JAK2: variants seen among roughly 807,000 people sequenced by gnomAD.
The protein encoded by JAK2 is tyrosine-protein kinase JAK2.
Under a neutral mutation model 139.3 loss-of-function variants are expected in JAK2, and 86 were observed. That is an observed-to-expected ratio of 0.62 (90% confidence interval 0.52 to 0.74). JAK2 has a LOEUF of 0.74. JAK2 is among the 30% of genes least tolerant of loss of function. The pLI is 0.00. For synonymous variants in JAK2, 490 were observed against 437.7 expected, an observed-to-expected ratio of 1.12 and a Z score of -1.49; for missense variants, 1,421 against 1,360.3, an observed-to-expected ratio of 1.04 and a Z score of -0.70.
chr9:5,051,817 A>C (rs1447513869), intron 6 of JAK2, among the ~76,000 whole-genome samples: 1 of 152,116 alleles, frequency 6.6e-6, no homozygotes, highest in African/African-American at 2.4e-5. Context: ...TACATACCCA[A>C]TTTGCAGAGT....
At chr9:5,026,869 A>G (rs1032572053) in intron 3 of JAK2, among the ~76,000 whole-genome samples, 2 of 152,226 alleles carry the variant, frequency 1.3e-5, no homozygotes, top group Non-Finnish European at 2.9e-5. Context: ...AAGAAATTAC[A>G]TATGCACTCA....
chr9:4,997,491 C>A (rs1016068658), intron 2 of JAK2, among the ~76,000 whole-genome samples: 4 of 152,126 alleles, frequency 2.6e-5, no homozygotes, highest in Admixed American at 2.6e-4. Context: ...CTTGCAAGAA[C>A]TCAGTATCTT....
chr9:4,999,694 C>G, intron 2 of JAK2, among the ~76,000 whole-genome samples: 1 of 152,190 alleles, frequency 6.6e-6, no homozygotes, highest in Admixed American at 6.5e-5. Context: ...GCTAATCCAC[C>G]CATCTTGGCC....
intron 8 of JAK2, among the ~76,000 whole-genome samples, chr9:5,064,129 C>A (rs1474852633): frequency 6.6e-6 from 1 of 152,122 alleles, no homozygotes; most frequent in East Asian, 1.9e-4. Context: ...GCACTCCAGC[C>A]TGGGCGACAG....
chr9:5,059,886 A>T (rs1818033611), intron 8 of JAK2, among the ~76,000 whole-genome samples: 1 of 152,084 alleles, frequency 6.6e-6, no homozygotes, highest in Non-Finnish European at 1.5e-5. Flanking sequence ...CACATTTTTC[A>T]TTGACTTGTC....
chr9:5,085,918 C>A (rs1481875198), intron 19 of JAK2: 1 of 1,044,254 alleles, frequency 9.6e-7, no homozygotes, highest in Non-Finnish European at 1.5e-6. Flanking sequence ...TCATACAGAC[C>A]TTTCAAGTCT....
intron 5 of JAK2, among the ~76,000 whole-genome samples, chr9:5,050,316 G>T (rs1381984080): frequency 6.6e-6 from 1 of 152,144 alleles, no homozygotes; most frequent in Non-Finnish European, 1.5e-5. Flanking sequence ...TCATTTTAGA[G>T]ACTGGGTCTT....
In JAK2 at chr9:5,045,728, T is replaced by A. The variant is rs562081777; in HGVS notation, c.468+1208T>A. 1.2e-4 allele frequency among the ~76,000 whole-genome samples: 18 copies of A among 152,340 alleles called. No individual in the cohort carries two copies. The South Asian group carries it at 3.7e-3, about 32-fold the overall frequency. On this transcript the variant is annotated intron_variant, in intron 5 of 24. Coordinates refer to ENST00000381652, the MANE Select transcript of JAK2 (RefSeq NM_004972.4). ...ATAATGTCTGTCAGGTTCATCCATG[T>A]TGTAGCATGTGCCAGAATTTCTTTC...
At chr9:5,124,897 T>A (rs1448379417) in intron 23 of JAK2, among the ~76,000 whole-genome samples, 2 of 151,500 alleles carry the variant, frequency 1.3e-5, no homozygotes, top group African/African-American at 4.8e-5. Flanking sequence ...TAAGGCAATA[T>A]CAAACAAAAT....
At position 5,127,523 on chromosome 9, in the gene JAK2, T is replaced by C. The variant is rs1199547325; in HGVS notation, c.*732T>C. The C allele has an allele frequency of 4.3e-6, 1 of 231,156 alleles. No individual in the cohort carries two copies. 14.3% of individuals were successfully genotyped at this position (231,156 alleles called of 1,614,324 possible). On this transcript the variant is annotated 3_prime_UTR_variant, in exon 25 of 25. Transcript: ENST00000381652. ...GCTTACAAAGATATAATCTATTTTA[T>C]TATGGTTTCCCTTGTATCTATTTGT...
chr9:5,117,967 T>C (rs1564022894), intron 22 of JAK2, among the ~76,000 whole-genome samples: 1 of 152,248 alleles, frequency 6.6e-6, no homozygotes, highest in Non-Finnish European at 1.5e-5. Flanking sequence ...CTCTTACACA[T>C]TTTTAAATTG....
intron 4 of JAK2, chr9:5,041,841 G>T (rs1268263863): frequency 2.7e-5 from 13 of 475,396 alleles, no homozygotes; most frequent in Non-Finnish European, 4.6e-5. Context: ...CACCAATGGG[G>T]AGCTGAACGC....
intron 22 of JAK2, chr9:5,101,156 G>A (rs1442357539): frequency 1.3e-5 from 2 of 152,280 alleles, no homozygotes; most frequent in Non-Finnish European, 2.9e-5. Flanking sequence ...ACTGTACCTG[G>A]AAAATCAGGA....
rs1563993598 is a variant in JAK2, at chr9:5,089,799, T to C, written c.2697T>C (p.Ile899=). The change falls in exon 20 of 25, where the codon ATT becomes ATC. Residue 899 remains isoleucine (I), a synonymous_variant. Coordinates refer to ENST00000381652, the MANE Select transcript of JAK2 (RefSeq NM_004972.4). ...ACCTAAGAGACTTTGAAAGGGAAAT[T>C]GAAATCCTGAAATCCCTACAGCATG... ...EEHLRDFERE[I]EILKSLQHDN... is the part of the protein sequence containing the mutation. 1.3e-6 allele frequency: 2 copies of C among 1,597,220 alleles called. No homozygotes were observed. The highest frequency in any genetic ancestry group is 3.5e-5 in the Admixed American group (2 of 57,772).
rs1034122193 is a variant in JAK2 at position 5,127,906 on chromosome 9, G to C, written c.*1115G>C. ...ATGAGGTAAATAAGTAAAAAAGTAT[G>C]CTTGTTAATTTTATTCAAGAATGCC... On this transcript the variant is annotated 3_prime_UTR_variant, in exon 25 of 25. Coordinates refer to ENST00000381652, the MANE Select transcript of JAK2 (RefSeq NM_004972.4). 4.7e-5 allele frequency: 11 copies of C among 232,206 alleles called. No homozygotes were observed. The highest frequency in any genetic ancestry group is 2.4e-4 in the African/African-American group (11 of 45,238). The allele number at this position is 232,206 out of a possible 1,614,324, so 14.4% of individuals were successfully genotyped here.
rs1054046322 is a variant in JAK2 at position 5,106,391 on chromosome 9, G to T, written c.3059+15480G>T. 7.2e-5 allele frequency among the ~76,000 whole-genome samples: 11 copies of T among 152,186 alleles called. 1 individual carries two copies. Among genetic ancestry groups the T allele is most frequent in the Non-Finnish European group, 1.0e-4 (7 of 68,044 alleles). ...AGAATGGTGATCATTAAAAAGACAG[G>T]AAACAACAGATGCTGGAGAAGATGT... On this transcript the variant is annotated intron_variant, in intron 22 of 24. Coordinates refer to ENST00000381652, the MANE Select transcript of JAK2 (RefSeq NM_004972.4).
chr9:5,022,666 C>A (rs1189197565), intron 3 of JAK2, among the ~76,000 whole-genome samples: 1 of 152,152 alleles, frequency 6.6e-6, no homozygotes, highest in African/African-American at 2.4e-5. Flanking sequence ...ATATATATTT[C>A]TTATGTCTTT....
intron 22 of JAK2, chr9:5,114,140 CT>C: frequency 2.5e-6 from 1 of 394,170 alleles, no homozygotes; most frequent in Non-Finnish European, 5.1e-6. Flanking sequence ...AAGGTAACAC[CT>C]TTGAGGACAG....
intron 3 of JAK2, among the ~76,000 whole-genome samples, chr9:5,024,629 C>G (rs1161889538): frequency 6.6e-6 from 1 of 152,146 alleles, no homozygotes; most frequent in Non-Finnish European, 1.5e-5. Context: ...AAACTCTCCT[C>G]TGTCATCTCT....
Sources: gnomAD v4.1 joint callset for allele counts (sites outside exome capture counted in the v4.1 genomes callset) on GRCh38, gnomAD v4.1.1 for gene constraint, MANE v1.5 for transcripts, NCBI Gene and HGNC (gene_info 2026-07-23, HGNC 2026-07-21) for gene names.